TMED3: variants seen among roughly 807,000 people sequenced by gnomAD.
TMED3 encodes the protein transmembrane emp24 domain-containing protein 3.
TMED3 carries 9 observed loss-of-function variants against 15.0 expected under a neutral mutation model. The ratio of observed to expected loss-of-function variants is 0.60; its 90% CI spans 0.36 to 1.04. TMED3 has a LOEUF of 1.04. Ranked by LOEUF, TMED3 falls within the 50% of genes least tolerant of loss-of-function variation. The pLI is 0.01. For missense variants in TMED3, 267 were observed against 278.9 expected (o/e 0.96, Z 0.30); for synonymous variants, 117 against 121.4 (o/e 0.96, Z 0.24).
chr15:79,353,279 AATATATATT>A (rs2058903427), intron 2 of TMED3, among the ~76,000 whole-genome samples: 1 of 62,254 alleles, frequency 1.6e-5, no homozygotes, highest in Non-Finnish European at 2.7e-5. Context: ...TAATATATAT[AATATATATT>A]ATATGTATAT....
At chr15:79,401,025 T>C (rs950265795) in intron 2 of TMED3, among the ~76,000 whole-genome samples, 1 of 152,166 alleles carries the variant, frequency 6.6e-6, no homozygotes, top group African/African-American at 2.4e-5. Flanking sequence ...ATAACAAAAA[T>C]AGGACTTAAA....
At chr15:79,393,198 A>T (rs898894498) in intron 2 of TMED3, among the ~76,000 whole-genome samples, 3 of 152,222 alleles carry the variant, frequency 2.0e-5, no homozygotes. Context: ...GGTCAAAAAC[A>T]TCTAGTCTGC....
At chr15:79,384,839 T>C (rs557444373) in intron 2 of TMED3, 1 of 152,126 alleles carries the variant, frequency 6.6e-6, no homozygotes, top group African/African-American at 2.4e-5. Flanking sequence ...CTGGGTAACA[T>C]AGTGAGACCT....
chr15:79,316,455 G>C (rs1596049423), intron 2 of TMED3, among the ~76,000 whole-genome samples: 1 of 152,222 alleles, frequency 6.6e-6, no homozygotes, highest in Non-Finnish European at 1.5e-5. Flanking sequence ...GTTTTCTTAA[G>C]TGCTCTGATG....
chr15:79,375,037 A>T (rs1214944429), intron 2 of TMED3, among the ~76,000 whole-genome samples: 1 of 152,198 alleles, frequency 6.6e-6, no homozygotes, highest in Non-Finnish European at 1.5e-5. Context: ...ACAATGCTAG[A>T]TACACTCGTA....
At chr15:79,369,292 A>G (rs1216561595) in intron 2 of TMED3, among the ~76,000 whole-genome samples, 4 of 152,066 alleles carry the variant, frequency 2.6e-5, no homozygotes, top group African/African-American at 7.2e-5. Context: ...TAGTTGAAAA[A>G]CATGCCTGCT....
chr15:79,340,136 A>G (rs1180327067), intron 2 of TMED3, among the ~76,000 whole-genome samples: 3 of 152,218 alleles, frequency 2.0e-5, no homozygotes, highest in Non-Finnish European at 4.4e-5. Flanking sequence ...ATTAGCTTTT[A>G]CTAGAAATAC....
chr15:79,331,653 T>G (rs190944823), intron 2 of TMED3, among the ~76,000 whole-genome samples: 9 of 151,296 alleles, frequency 5.9e-5, no homozygotes, highest in Non-Finnish European at 1.2e-4. Context: ...GAAGTATTCA[T>G]CAGATAAAGG....
At chr15:79,361,101 C>T (rs1893120606) in intron 2 of TMED3, among the ~76,000 whole-genome samples, 1 of 152,136 alleles carries the variant, frequency 6.6e-6, no homozygotes, top group Admixed American at 6.5e-5. Flanking sequence ...GGCCTCAAGC[C>T]ATCCTCACAC....
At chr15:79,375,390 G>T (rs1050329712) in intron 2 of TMED3, among the ~76,000 whole-genome samples, 1 of 152,162 alleles carries the variant, frequency 6.6e-6, no homozygotes, top group African/African-American at 2.4e-5. Flanking sequence ...TGAGAGTATT[G>T]TGTGGGGCCA....
chr15:79,396,881 C>T (rs1011592970), intron 2 of TMED3, among the ~76,000 whole-genome samples: 1 of 152,106 alleles, frequency 6.6e-6, no homozygotes, highest in African/African-American at 2.4e-5. Context: ...TGGATATGTT[C>T]GGTTAAATAA....
intron 2 of TMED3, among the ~76,000 whole-genome samples, chr15:79,369,770 G>A (rs1425430755): frequency 6.6e-6 from 1 of 152,178 alleles, no homozygotes; most frequent in East Asian, 1.9e-4. Flanking sequence ...AGTGGTTTAT[G>A]TCTAACAGAA....
At chr15:79,315,498 A>G (rs1212597162) in intron 2 of TMED3, among the ~76,000 whole-genome samples, 11 of 152,206 alleles carry the variant, frequency 7.2e-5, no homozygotes. Flanking sequence ...GACAGCCTCT[A>G]TTGGGAAGAT....
At chr15:79,389,839 T>C (rs1168254523) in intron 2 of TMED3, among the ~76,000 whole-genome samples, 3 of 152,102 alleles carry the variant, frequency 2.0e-5, no homozygotes, top group Admixed American at 6.5e-5. Flanking sequence ...TTTTGTTTTG[T>C]TTTTGCAACT....
At chr15:79,336,469 C>T (rs1325547834) in intron 2 of TMED3, among the ~76,000 whole-genome samples, 1 of 152,084 alleles carries the variant, frequency 6.6e-6, no homozygotes, top group Non-Finnish European at 1.5e-5. Flanking sequence ...ACCAGCCTGG[C>T]CAACATGGTG....
intron 2 of TMED3, among the ~76,000 whole-genome samples, chr15:79,349,778 A>G (rs1162163159): frequency 1.3e-5 from 2 of 152,130 alleles, no homozygotes; most frequent in African/African-American, 4.8e-5. Flanking sequence ...CCTCAGGGCC[A>G]GGGCAACAGC....
rs755717811 is a variant in TMED3 at position 79,313,830 on chromosome 15, C to A, written c.242C>A (p.Thr81Lys). 1 of 1,614,068 alleles carries A rather than the reference C, an allele frequency of 6.2e-7. No homozygotes were observed. Among genetic ancestry groups the A allele is most frequent in the Non-Finnish European group, 8.5e-7 (1 of 1,180,060 alleles). Residue 81 changes from threonine to lysine, a missense_variant, in exon 2 of 3, where the codon ACG becomes AAG. Around this residue, in one of 3 missense-constraint regions of TMED3, gnomAD observed 69 missense variants for 106.8 expected, o/e 0.65. Coordinates refer to ENST00000299705, the MANE Select transcript of TMED3 (RefSeq NM_007364.4). ...DPQGNTIYRE[T>K]KKQYDSFTYR... Reference sequence around the variant, plus strand: ...CAGGGGAACACCATCTACAGAGAAACGAAGAAGCAGTACGACAGCTTCACG... The same window carrying A: ...CAGGGGAACACCATCTACAGAGAAAAGAAGAAGCAGTACGACAGCTTCACG...
chr15:79,403,220 C>CAAAAAAAAA (rs71150908), intron 2 of TMED3, among the ~76,000 whole-genome samples: 2 of 65,420 alleles, frequency 3.1e-5, no homozygotes, highest in East Asian at 6.0e-4. Flanking sequence ...GACTCTGTCT[C>CAAAAAAAAA]AAAAAAAAAA....
At chr15:79,391,214 T>G (rs1893691373) in intron 2 of TMED3, among the ~76,000 whole-genome samples, 1 of 152,162 alleles carries the variant, frequency 6.6e-6, no homozygotes, top group Admixed American at 6.6e-5. Flanking sequence ...GTCTTTTTGA[T>G]GTAGGTGTTT....
Sources: allele counts gnomAD v4.1 joint callset (sites outside exome capture counted in the v4.1 genomes callset), GRCh38; gene constraint gnomAD v4.1.1; regional missense constraint gnomAD v4.1.1; transcripts MANE v1.5; gene names NCBI Gene and HGNC (gene_info 2026-07-23, HGNC 2026-07-21).